The following WDR70 variants were observed in gnomAD, a reference collection of about 807,000 sequenced individuals.
WDR70 encodes WD repeat-containing protein 70.
A neutral mutation model predicts 88.6 loss-of-function variants in WDR70; 53 were observed. The observed-to-expected ratio is 0.60, with a 90% CI of 0.48 to 0.75. The LOEUF (loss-of-function observed/expected upper bound fraction) is 0.75, where lower values mean the gene tolerates loss of function less well. WDR70 is among the 30% of genes least tolerant of loss of function. The probability of loss-of-function intolerance (pLI) is 0.00; values close to 1 mark genes in which losing one functional copy is unlikely to be tolerated. For synonymous variants in WDR70, 280 were observed against 270.0 expected (o/e 1.04, Z -0.36); for missense variants, 610 against 823.2 (o/e 0.74, Z 3.17).
intron 4 of WDR70, among the ~76,000 whole-genome samples, chr5:37,392,591 G>A (rs556158553): frequency 2.0e-4 from 30 of 151,950 alleles, no homozygotes; most frequent in Admixed American, 1.2e-3. Flanking sequence ...TGATCTGTCC[G>A]CCTCATTCTC....
rs771741137 is a variant in WDR70 at position 37,396,516 on chromosome 5, TAATG to T, written c.441_444del (p.Asn147LysfsTer29). On this transcript the variant is annotated frameshift_variant, in exon 5 of 18. Transcript: ENST00000265107. LOFTEE classifies it high-confidence loss of function. ...TCCTCGGTCCTTTACCTCCACCTCT[TAATG>T]AAGAAGAAGAAGAAGCAGAGGAAGA... 2 of 1,613,566 alleles carry T rather than the reference TAATG, an allele frequency of 1.2e-6. No homozygotes were observed. The highest frequency in any genetic ancestry group is 2.2e-5 in the East Asian group (1 of 44,868).
rs1221494328 is a variant in WDR70, at chr5:37,381,870, A to G, written c.175+185A>G. The G allele has an allele frequency of 1.7e-5, 7 of 416,894 alleles. No homozygotes were observed. In the East Asian group the frequency reaches 1.7e-4, roughly 10 times the overall value. 25.8% of individuals were successfully genotyped at this position (416,894 alleles called of 1,614,324 possible). On this transcript the variant is annotated intron_variant, in intron 3 of 17. Transcript: ENST00000265107. The stretch of plus-strand genomic sequence containing the variant: ...GAAGTTTGAGACCAGCCTGGCCAAC[A>G]TGGTGAAACCCCATCTCAACTAAAA...
chr5:37,489,340 C>A (rs12657090), intron 8 of WDR70, among the ~76,000 whole-genome samples: 90,685 of 151,898 alleles, frequency 0.6, 28,432 homozygotes, highest in Non-Finnish European at 0.69. Context: ...GGCCCCTGAG[C>A]ATTGTGCATG....
intron 9 of WDR70, among the ~76,000 whole-genome samples, chr5:37,588,471 A>G (rs1414566328): frequency 6.6e-6 from 1 of 152,144 alleles, no homozygotes; most frequent in Non-Finnish European, 1.5e-5. Context: ...AATAGAACGT[A>G]TATCTGAGTT....
intron 17 of WDR70, among the ~76,000 whole-genome samples, chr5:37,744,122 C>T (rs556427378): frequency 2.0e-5 from 3 of 152,166 alleles, no homozygotes; most frequent in Non-Finnish European, 4.4e-5. Context: ...GGCATGGGAG[C>T]GAATCAGATG....
chr5:37,698,310 C>G (rs1747042500), intron 11 of WDR70, among the ~76,000 whole-genome samples: 1 of 151,982 alleles, frequency 6.6e-6, no homozygotes, highest in Non-Finnish European at 1.5e-5. Flanking sequence ...ATCTTTATCA[C>G]ATAGATAGGT....
At chr5:37,384,432 G>A (rs1423825454) in intron 3 of WDR70, among the ~76,000 whole-genome samples, 2 of 151,460 alleles carry the variant, frequency 1.3e-5, no homozygotes, top group African/African-American at 4.8e-5. Flanking sequence ...ACTTTGGGAG[G>A]GGCGGATCAC....
At chr5:37,462,280 G>A (rs1262235709) in intron 7 of WDR70, among the ~76,000 whole-genome samples, 5 of 151,980 alleles carry the variant, frequency 3.3e-5, no homozygotes, top group Non-Finnish European at 7.4e-5. Context: ...ATTTTTGGGT[G>A]ACATTTGCAA....
chr5:37,680,158 CTT>C (rs35533012), intron 10 of WDR70, among the ~76,000 whole-genome samples: 16 of 146,904 alleles, frequency 1.1e-4, no homozygotes, highest in East Asian at 2.0e-4. Context: ...TGATGTTGAG[CTT>C]TTTTTTTTTT....
At chr5:37,417,544 T>C (rs2111980679) in intron 5 of WDR70, among the ~76,000 whole-genome samples, 1 of 151,674 alleles carries the variant, frequency 6.6e-6, no homozygotes, top group African/African-American at 2.4e-5. Flanking sequence ...ACCGACGTTT[T>C]TTTTTTTTTT....
intron 7 of WDR70, among the ~76,000 whole-genome samples, chr5:37,467,802 C>T (rs541599256): frequency 1.6e-4 from 24 of 151,802 alleles, no homozygotes; most frequent in Admixed American, 7.9e-4. Flanking sequence ...CTGCAAGCTC[C>T]GCCTCCCGGG....
intron 5 of WDR70, among the ~76,000 whole-genome samples, chr5:37,400,460 T>G (rs1176408125): frequency 6.6e-6 from 1 of 152,206 alleles, no homozygotes; most frequent in Non-Finnish European, 1.5e-5. Context: ...TCTCTTATTG[T>G]CTACATTACT....
intron 9 of WDR70, among the ~76,000 whole-genome samples, chr5:37,546,496 T>C (rs1741995904): frequency 6.6e-6 from 1 of 152,238 alleles, no homozygotes; most frequent in South Asian, 2.1e-4. Flanking sequence ...AATTCCTATA[T>C]AGGGATTATA....
At chr5:37,401,250 T>A (rs555505549) in intron 5 of WDR70, among the ~76,000 whole-genome samples, 1 of 145,414 alleles carries the variant, frequency 6.9e-6, no homozygotes, top group South Asian at 2.3e-4. Context: ...GCTCAAGTGA[T>A]CCTCCTGTCT....
chr5:37,398,584 T>C (rs1450991462), intron 5 of WDR70, among the ~76,000 whole-genome samples: 1 of 152,222 alleles, frequency 6.6e-6, no homozygotes, highest in East Asian at 1.9e-4. Context: ...CGTCTGTCTG[T>C]AGTTGATCAA....
intron 7 of WDR70, among the ~76,000 whole-genome samples, chr5:37,446,894 T>A (rs926459524): frequency 1.3e-5 from 2 of 152,118 alleles, no homozygotes; most frequent in African/African-American, 4.8e-5. Context: ...GGACTTCATG[T>A]CTAAAACACC....
At chr5:37,543,572 A>T (rs1258233379) in intron 9 of WDR70, among the ~76,000 whole-genome samples, 3 of 152,126 alleles carry the variant, frequency 2.0e-5, no homozygotes, top group Non-Finnish European at 4.4e-5. Context: ...GTGTTTGTTG[A>T]AAAGGACATA....
At chr5:37,528,887 C>G (rs1366311507) in intron 9 of WDR70, among the ~76,000 whole-genome samples, 1 of 143,558 alleles carries the variant, frequency 7.0e-6, no homozygotes, top group Admixed American at 7.0e-5. Flanking sequence ...AAGTCTTTGC[C>G]TAAGCCAATG....
intron 7 of WDR70, among the ~76,000 whole-genome samples, chr5:37,449,055 A>G (rs1481400938): frequency 6.6e-6 from 1 of 152,058 alleles, no homozygotes; most frequent in African/African-American, 2.4e-5. Context: ...TTTCCTTTCC[A>G]TATGCCATTC....
Sources: gnomAD v4.1 joint callset for allele counts (sites outside exome capture counted in the v4.1 genomes callset) on GRCh38, gnomAD v4.1.1 for gene constraint, MANE v1.5 for transcripts, NCBI Gene and HGNC (gene_info 2026-07-23, HGNC 2026-07-21) for gene names.